The following SLC24A2 variants were observed in gnomAD, a reference collection of about 807,000 sequenced individuals.
SLC24A2 encodes the protein sodium/potassium/calcium exchanger 2.
A neutral mutation model predicts 62.0 loss-of-function variants in SLC24A2; 36 were observed. That is an observed-to-expected ratio of 0.58 (90% CI 0.44 to 0.77). The LOEUF (loss-of-function observed/expected upper bound fraction) is 0.77, where lower values mean the gene tolerates loss of function less well. SLC24A2 is among the 30% of genes least tolerant of loss of function. SLC24A2 has a pLI of 0.00. For synonymous variants in SLC24A2, 358 were observed against 294.0 expected, an observed-to-expected ratio of 1.22 and a Z score of -2.23; for missense variants, 846 against 817.9, an observed-to-expected ratio of 1.03 and a Z score of -0.42.
the SLC24A2 span, among the ~76,000 whole-genome samples, chr9:20,079,759 G>C: frequency 5.4e-4 from 83 of 152,306 alleles, 1 homozygote; most frequent in Admixed American, 4.3e-3. Flanking sequence ...AAGAATGCTT[G>C]TGATTTTTGC....
the SLC24A2 span, among the ~76,000 whole-genome samples, chr9:20,105,333 T>G: frequency 2.0e-5 from 3 of 151,170 alleles, no homozygotes; most frequent in Admixed American, 1.3e-4. Flanking sequence ...GAACTCAGCT[T>G]TGCACCAAGC....
At chr9:20,132,756 GC>G in the SLC24A2 span, among the ~76,000 whole-genome samples, 1 of 152,016 alleles carries the variant, frequency 6.6e-6, no homozygotes, top group East Asian at 1.9e-4. Flanking sequence ...AATTATAAAT[GC>G]TAAAACTTAG....
chr9:20,136,094 G>T, the SLC24A2 span, among the ~76,000 whole-genome samples: 1 of 152,068 alleles, frequency 6.6e-6, no homozygotes, highest in Admixed American at 6.6e-5. Flanking sequence ...TATTATTATA[G>T]AACAAGTAAA....
intron 7 of SLC24A2, among the ~76,000 whole-genome samples, chr9:19,562,648 G>GA (rs1563967383): frequency 2.0e-5 from 3 of 152,008 alleles, no homozygotes; most frequent in Admixed American, 2.0e-4. Context: ...ACAGATGACA[G>GA]AAAAAAAATT....
chr9:19,532,560 C>T (rs1309048322), intron 8 of SLC24A2, among the ~76,000 whole-genome samples: 1 of 152,138 alleles, frequency 6.6e-6, no homozygotes, highest in Non-Finnish European at 1.5e-5. Flanking sequence ...GCAGAGCCTG[C>T]AGATATGAAG....
chr9:20,065,873 G>GATA, the SLC24A2 span, among the ~76,000 whole-genome samples: 1 of 152,116 alleles, frequency 6.6e-6, no homozygotes. Context: ...GTTTCTGGAT[G>GATA]ATAATAAGCC....
chr9:19,986,354 G>T, the SLC24A2 span, among the ~76,000 whole-genome samples: 7 of 152,046 alleles, frequency 4.6e-5, no homozygotes. Flanking sequence ...TATATTGTTT[G>T]GTTGCTGTAC....
intron 6 of SLC24A2, among the ~76,000 whole-genome samples, chr9:19,576,113 T>C (rs1394015162): frequency 6.6e-6 from 1 of 152,214 alleles, no homozygotes; most frequent in African/African-American, 2.4e-5. Context: ...GAAGTTGGGA[T>C]AACAGGAAAG....
rs765305087 is a variant in SLC24A2, at chr9:19,550,248, GTCC to G, written c.1365_1367del (p.Glu455del). ...AAGGCCAGGCAAGGCTGAGAGGCTGGTCCTCCTCCTCATCAGCGGTCTGTGGTA... is the reference window on the plus strand; with the variant it reads ...AAGGCCAGGCAAGGCTGAGAGGCTGGTCCTCCTCATCAGCGGTCTGTGGTA... On this transcript the variant is annotated inframe_deletion, in exon 8 of 11. Transcript: ENST00000341998. 51 of 1,614,024 alleles carry G rather than the reference GTCC, an allele frequency of 3.2e-5. No individual in the cohort carries two copies. In the Middle Eastern group the frequency reaches 8.2e-4, roughly 26 times the overall value.
chr9:19,751,322 T>C (rs1821976193), intron 2 of SLC24A2, among the ~76,000 whole-genome samples: 1 of 152,150 alleles, frequency 6.6e-6, no homozygotes, highest in African/African-American at 2.4e-5. Flanking sequence ...AAGGCAGAGA[T>C]GTGAAAGGCG....
the SLC24A2 span, among the ~76,000 whole-genome samples, chr9:19,826,764 G>C: frequency 6.6e-6 from 1 of 152,158 alleles, no homozygotes; most frequent in African/African-American, 2.4e-5. Flanking sequence ...TCTCAGTACT[G>C]TTGCATTAGG....
At chr9:20,041,642 G>A in the SLC24A2 span, among the ~76,000 whole-genome samples, 2 of 152,162 alleles carry the variant, frequency 1.3e-5, no homozygotes, top group African/African-American at 4.8e-5. Flanking sequence ...ACTGCTTCAG[G>A]GTCTGCCTCA....
chr9:19,569,277 G>T (rs771152335), intron 7 of SLC24A2, among the ~76,000 whole-genome samples: 1 of 152,226 alleles, frequency 6.6e-6, no homozygotes, highest in South Asian at 2.1e-4. Flanking sequence ...CTGCAGGCCA[G>T]ATTTGGCCTG....
chr9:19,558,120 G>C (rs1053414254), intron 7 of SLC24A2, among the ~76,000 whole-genome samples: 2 of 152,090 alleles, frequency 1.3e-5, no homozygotes, highest in African/African-American at 4.8e-5. Flanking sequence ...TCCTTAAAAA[G>C]CTGATAAGAA....
At chr9:20,211,210 A>G in the SLC24A2 span, among the ~76,000 whole-genome samples, 1 of 152,068 alleles carries the variant, frequency 6.6e-6, no homozygotes, top group Admixed American at 6.6e-5. Context: ...TGTTTTTGTA[A>G]TTATAAAAAT....
At chr9:19,691,774 G>A (rs1382349898) in intron 2 of SLC24A2, among the ~76,000 whole-genome samples, 1 of 151,994 alleles carries the variant, frequency 6.6e-6, no homozygotes, top group East Asian at 1.9e-4. Flanking sequence ...CACTCATTGG[G>A]CAACACTAGT....
At chr9:20,062,298 A>G in the SLC24A2 span, among the ~76,000 whole-genome samples, 1 of 151,952 alleles carries the variant, frequency 6.6e-6, no homozygotes, top group Non-Finnish European at 1.5e-5. Context: ...ACAGAGATAT[A>G]GATAAATGGA....
chr9:19,618,428 T>A (rs938583643), intron 4 of SLC24A2, among the ~76,000 whole-genome samples: 1 of 152,106 alleles, frequency 6.6e-6, no homozygotes, highest in Non-Finnish European at 1.5e-5. Context: ...GAATATCACA[T>A]CAGCTATACA....
the SLC24A2 span, among the ~76,000 whole-genome samples, chr9:20,087,376 G>C: frequency 6.6e-6 from 1 of 152,148 alleles, no homozygotes. Flanking sequence ...CAGAAGCCAA[G>C]AAATCTAAAT....
Sources: allele counts gnomAD v4.1 joint callset (sites outside exome capture counted in the v4.1 genomes callset), GRCh38; gene constraint gnomAD v4.1.1; transcripts MANE v1.5; gene names NCBI Gene and HGNC (gene_info 2026-07-23, HGNC 2026-07-21).